ZFHX3: variants seen among roughly 807,000 people sequenced by gnomAD.
ZFHX3 encodes zinc finger homeobox 3.
ZFHX3 carries 42 observed loss-of-function variants against 279.1 expected under a neutral mutation model. That is an observed-to-expected ratio of 0.15 (90% confidence interval 0.12 to 0.19). ZFHX3 has a LOEUF of 0.19. Ranked by LOEUF, ZFHX3 falls within the 10% of genes least tolerant of loss-of-function variation. ZFHX3 has a pLI of 1.00. For missense variants in ZFHX3, 4,981 were observed against 4,754.0 expected (o/e 1.05, Z -1.40); for synonymous variants, 2,293 against 1,957.8 (o/e 1.17, Z -4.52).
intron 7 of ZFHX3, among the ~76,000 whole-genome samples, chr16:73,112,353 G>A (rs1195042082): frequency 6.6e-6 from 1 of 152,090 alleles, no homozygotes; most frequent in African/African-American, 2.4e-5. Context: ...GAGGCAAGGA[G>A]CTTTGGGAGT....
intron 1 of ZFHX3, among the ~76,000 whole-genome samples, chr16:72,999,654 T>G (rs1963423121): frequency 6.6e-6 from 1 of 152,144 alleles, no homozygotes; most frequent in Admixed American, 6.5e-5. Context: ...CTGAGAGCTG[T>G]CAGGACCCCA....
intron 1 of ZFHX3, among the ~76,000 whole-genome samples, chr16:73,777,305 C>A (rs1959286966): frequency 6.6e-6 from 1 of 152,020 alleles, no homozygotes; most frequent in Non-Finnish European, 1.5e-5. Context: ...AGTTCAAGAC[C>A]AGCCCAGCTA....
chr16:73,627,868 A>C (rs1489705453), intron 2 of ZFHX3, among the ~76,000 whole-genome samples: 2 of 152,218 alleles, frequency 1.3e-5, no homozygotes, highest in Non-Finnish European at 2.9e-5. Context: ...CAGTGAGCCG[A>C]GACTGTGCCA....
intron 7 of ZFHX3, chr16:73,126,773 G>C (rs1233251920): frequency 2.0e-5 from 3 of 152,330 alleles, no homozygotes; most frequent in Non-Finnish European, 4.4e-5. Context: ...AGGACATTGT[G>C]AGATTCTTTC....
intron 3 of ZFHX3, among the ~76,000 whole-genome samples, chr16:72,909,041 T>A (rs920234061): frequency 5.3e-5 from 8 of 152,186 alleles, no homozygotes; most frequent in African/African-American, 1.9e-4. Context: ...TTAGTTACCA[T>A]GAAACCAGGG....
chr16:73,127,900 A>G (rs979867575), intron 7 of ZFHX3, among the ~76,000 whole-genome samples: 1 of 152,190 alleles, frequency 6.6e-6, no homozygotes, highest in Non-Finnish European at 1.5e-5. Flanking sequence ...TGTTTGGCCA[A>G]TGAAATGTGA....
intron 2 of ZFHX3, among the ~76,000 whole-genome samples, chr16:73,641,321 G>C (rs1298167449): frequency 6.6e-6 from 1 of 152,080 alleles, no homozygotes; most frequent in African/African-American, 2.4e-5. Context: ...TCAAGGTGAC[G>C]ACAAAGGAGT....
intron 2 of ZFHX3, among the ~76,000 whole-genome samples, chr16:73,634,523 A>G (rs2052511001): frequency 6.6e-6 from 1 of 150,438 alleles, no homozygotes; most frequent in East Asian, 1.9e-4. Flanking sequence ...TTCCCCAGAT[A>G]TTTTACAGAT....
At chr16:73,752,056 A>G (rs989151364) in intron 1 of ZFHX3, among the ~76,000 whole-genome samples, 1 of 152,214 alleles carries the variant, frequency 6.6e-6, no homozygotes, top group African/African-American at 2.4e-5. Flanking sequence ...CATAAGATCT[A>G]TAAGCAGAGA....
At chr16:72,964,729 G>A (rs1373398053) in intron 1 of ZFHX3, among the ~76,000 whole-genome samples, 6 of 151,690 alleles carry the variant, frequency 4.0e-5, no homozygotes, top group African/African-American at 1.5e-4. Flanking sequence ...CACTTAATGA[G>A]TTAGGTGTTG....
At chr16:73,046,597 A>G (rs1161121258) in intron 1 of ZFHX3, among the ~76,000 whole-genome samples, 1 of 152,068 alleles carries the variant, frequency 6.6e-6, no homozygotes, top group Non-Finnish European at 1.5e-5. Flanking sequence ...CCAACTCTAC[A>G]AACTCGCACC....
intron 1 of ZFHX3, among the ~76,000 whole-genome samples, chr16:72,986,246 C>G (rs558791421): frequency 2.6e-5 from 4 of 152,264 alleles, no homozygotes; most frequent in African/African-American, 7.2e-5. Flanking sequence ...GGAAGCACAG[C>G]CGACAGCCAC....
chr16:73,295,871 G>A (rs2014896300), intron 4 of ZFHX3, among the ~76,000 whole-genome samples: 2 of 152,170 alleles, frequency 1.3e-5, no homozygotes, highest in Non-Finnish European at 2.9e-5. Context: ...TACCCAACAG[G>A]CACCTCCTCT....
At chr16:73,172,234 C>G (rs1030533369) in intron 5 of ZFHX3, among the ~76,000 whole-genome samples, 1 of 152,238 alleles carries the variant, frequency 6.6e-6, no homozygotes, top group African/African-American at 2.4e-5. Context: ...CCCCGGGGTG[C>G]AGGGGCGAGG....
At chr16:73,200,465 C>T (rs1968246454) in intron 5 of ZFHX3, among the ~76,000 whole-genome samples, 2 of 152,006 alleles carry the variant, frequency 1.3e-5, no homozygotes, top group Admixed American at 1.3e-4. Context: ...ATCTTTTCAA[C>T]CAAAGATAGG....
chr16:73,110,750 G>C (rs1472275307), intron 7 of ZFHX3, among the ~76,000 whole-genome samples: 1 of 152,056 alleles, frequency 6.6e-6, no homozygotes, highest in Non-Finnish European at 1.5e-5. Flanking sequence ...TTTTTGTAGA[G>C]ATAGGGTCTC....
chr16:73,775,340 T>G (rs917951709), intron 1 of ZFHX3, among the ~76,000 whole-genome samples: 1 of 152,194 alleles, frequency 6.6e-6, no homozygotes, highest in Non-Finnish European at 1.5e-5. Flanking sequence ...CCAATATAGT[T>G]ATATAAGCGC....
At position 72,797,548 on chromosome 16, in the gene ZFHX3, G is replaced by C; in HGVS notation, c.5134C>G (p.Arg1712Gly). Residue 1712 changes from arginine to glycine, a missense_variant, in exon 9 of 10, where the codon CGG (arginine) becomes GGG (glycine). Around this residue, in one of 7 missense-constraint regions of ZFHX3, gnomAD observed 1,751 missense variants for 1,770.0 expected, o/e 0.99. Transcript: ENST00000268489. ...ASPSEPKEAN[R>G]KKLADMIASR... ...GCAATCATATCTGCCAGTTTCTTCC[G>C]ATTGGCCTCTTTGGGCTCTGAAGGG... 1.2e-6 allele frequency: 2 copies of C among 1,614,070 alleles called. No homozygotes were observed.
At chr16:73,325,928 A>ACACACAAAAACACACACAC (rs1567451240) in intron 3 of ZFHX3, among the ~76,000 whole-genome samples, 10 of 145,572 alleles carry the variant, frequency 6.9e-5, no homozygotes, top group East Asian at 2.0e-4. Context: ...CACACACACA[A>ACACACAAAAACACACACAC]ACACACACAC....
Sources: gnomAD v4.1 joint callset for allele counts (sites outside exome capture counted in the v4.1 genomes callset) on GRCh38, gnomAD v4.1.1 for gene constraint, gnomAD v4.1.1 regional missense constraint, MANE v1.5 for transcripts, NCBI Gene and HGNC (gene_info 2026-07-23, HGNC 2026-07-21) for gene names.